Variants in PCLO observed in about 807,000 individuals in gnomAD.
PCLO encodes the protein piccolo presynaptic cytomatrix protein.
A neutral mutation model predicts 427.5 loss-of-function variants in PCLO; 82 were observed. The observed-to-expected ratio is 0.19, with a 90% CI of 0.16 to 0.23. PCLO has a LOEUF of 0.23. Ranked by LOEUF, PCLO falls within the 10% of genes least tolerant of loss-of-function variation. The pLI, the probability that PCLO is intolerant of heterozygous loss-of-function variation, is 1.00. For missense variants in PCLO, 6,239 were observed against 6,115.9 expected, an observed-to-expected ratio of 1.02 and a Z score of -0.67; for synonymous variants, 2,357 against 2,155.4, an observed-to-expected ratio of 1.09 and a Z score of -2.59.
At chr7:82,942,289 T>G (rs1795104307) in intron 6 of PCLO, among the ~76,000 whole-genome samples, 1 of 152,222 alleles carries the variant, frequency 6.6e-6, no homozygotes, top group Admixed American at 6.5e-5. Context: ...CAATGCTCTA[T>G]TAAGTCAGAC....
chr7:83,146,314 C>A (rs1231149509), intron 2 of PCLO, among the ~76,000 whole-genome samples: 2 of 152,124 alleles, frequency 1.3e-5, no homozygotes, highest in African/African-American at 4.8e-5. Flanking sequence ...TTGTTTGACA[C>A]CTTACTGATG....
chr7:82,993,248 G>C (rs1364038619), intron 3 of PCLO, among the ~76,000 whole-genome samples: 2 of 151,726 alleles, frequency 1.3e-5, no homozygotes, highest in Non-Finnish European at 2.9e-5. Flanking sequence ...TTTATATAGA[G>C]ATATAATAAA....
At chr7:83,157,969 T>C (rs960836677) in intron 1 of PCLO, among the ~76,000 whole-genome samples, 2 of 152,052 alleles carry the variant, frequency 1.3e-5, no homozygotes, top group Non-Finnish European at 2.9e-5. Flanking sequence ...GAATTAACTT[T>C]TTCCAAATTT....
rs796686018 is a variant in PCLO, at chr7:83,059,379, TAAAA to T, written c.3300+74867_3300+74870del. Reference sequence around the variant, plus strand: ...TAAAATATATATATATATATATATATAAAAATGAAAAATAAGGTGAGATCAACTA... The same window carrying T: ...TAAAATATATATATATATATATATATATGAAAAATAAGGTGAGATCAACTA... On this transcript the variant is annotated intron_variant, in intron 3 of 24. Coordinates refer to ENST00000333891, the MANE Select transcript of PCLO (RefSeq NM_033026.6). 1.6e-4 allele frequency among the ~76,000 whole-genome samples: 20 copies of T among 125,126 alleles called. 1 individual carries two copies. The highest frequency in any genetic ancestry group is 6.5e-4 in the African/African-American group (18 of 27,842). 82.1% of individuals were successfully genotyped at this position (125,126 alleles called of 152,430 possible).
chr7:82,841,610 A>C, intron 13 of PCLO, 101 bp from the exon 14 acceptor site: 1 of 725,784 alleles, frequency 1.4e-6, no homozygotes, highest in Non-Finnish European at 2.4e-6. Context: ...GGTCAGAGCA[A>C]CTGCTTGGAA....
chr7:83,144,314 A>G (rs1409319771), intron 2 of PCLO, among the ~76,000 whole-genome samples: 1 of 152,074 alleles, frequency 6.6e-6, no homozygotes, highest in Non-Finnish European at 1.5e-5. Context: ...CCAGCTACTC[A>G]GGAGGCTGAG....
chr7:83,067,133 T>C (rs1459558075), intron 3 of PCLO, among the ~76,000 whole-genome samples: 1 of 152,208 alleles, frequency 6.6e-6, no homozygotes, highest in Admixed American at 6.5e-5. Flanking sequence ...CCCCAAGATA[T>C]CTCATTATGT....
At chr7:82,982,374 G>A (rs1675700051) in intron 3 of PCLO, among the ~76,000 whole-genome samples, 1 of 152,072 alleles carries the variant, frequency 6.6e-6, no homozygotes, top group African/African-American at 2.4e-5. Context: ...GATCCACGAA[G>A]AATCAGTGTT....
At chr7:83,119,467 G>A (rs1397904675) in intron 3 of PCLO, among the ~76,000 whole-genome samples, 1 of 151,938 alleles carries the variant, frequency 6.6e-6, no homozygotes, top group African/African-American at 2.4e-5. Context: ...TGTGCTTGGG[G>A]TGATCTCTAG....
chr7:83,026,411 TA>T (rs931230996), intron 3 of PCLO, among the ~76,000 whole-genome samples: 11 of 152,142 alleles, frequency 7.2e-5, no homozygotes, highest in African/African-American at 2.2e-4. Flanking sequence ...CTAACTATCC[TA>T]AATATATATG....
chr7:83,081,357 G>A (rs1202472027), intron 3 of PCLO, among the ~76,000 whole-genome samples: 15 of 151,894 alleles, frequency 9.9e-5, no homozygotes, highest in African/African-American at 1.4e-4. Flanking sequence ...ATTTAACAAT[G>A]TAAAGATGAA....
chr7:82,963,801 C>A (rs1795705789), intron 4 of PCLO, among the ~76,000 whole-genome samples: 1 of 151,960 alleles, frequency 6.6e-6, no homozygotes, highest in East Asian at 1.9e-4. Flanking sequence ...ATTCTCTATT[C>A]TTTGTGAATG....
In PCLO at chr7:83,134,244, A is replaced by ATAT; in HGVS notation, c.3300+5_3300+6insATA. On this transcript the variant is annotated splice_donor_region_variant and intron_variant, in intron 3 of 24. Coordinates refer to ENST00000333891, the MANE Select transcript of PCLO (RefSeq NM_033026.6). ...ATATATATATATATATATATATATA[A>ATAT]CTTACCTCAGTCAAATGTGGTGTAG... The ATAT allele has an allele frequency of 5.5e-6, 4 of 731,056 alleles. No homozygotes were observed. The highest frequency in any genetic ancestry group is 2.0e-6 in the Non-Finnish European group (1 of 500,818). The allele number at this position is 731,056 out of a possible 1,614,324, so 45.3% of individuals were successfully genotyped here.
chr7:83,084,471 T>G (rs1790180464), intron 3 of PCLO, among the ~76,000 whole-genome samples: 1 of 152,116 alleles, frequency 6.6e-6, no homozygotes, highest in Non-Finnish European at 1.5e-5. Flanking sequence ...CATGTCTCAT[T>G]CTGCCTATAT....
chr7:82,949,402 C>T lies in PCLO; in HGVS notation c.11112+74G>A, dbSNP rs917396151. Reference sequence around the variant, plus strand: ...GTTTCTAAGGTACCAGGAGCCTGATCGCCTCCTAAAAGTCTGAAAACACAT... The same window carrying T: ...GTTTCTAAGGTACCAGGAGCCTGATTGCCTCCTAAAAGTCTGAAAACACAT... On this transcript the variant is annotated intron_variant, in intron 6 of 24. Transcript: ENST00000333891. 1.1e-5 allele frequency: 12 copies of T among 1,112,420 alleles called. 1 individual carries two copies. The Admixed American group carries it at 2.5e-4, about 23-fold the overall frequency. The allele number at this position is 1,112,420 out of a possible 1,614,324, so 68.9% of individuals were successfully genotyped here.
At chr7:82,893,566 G>C (rs920615596) in intron 9 of PCLO, among the ~76,000 whole-genome samples, 12 of 151,272 alleles carry the variant, frequency 7.9e-5, no homozygotes, top group Non-Finnish European at 1.6e-4. Context: ...AAAACTTAAA[G>C]TATAATAAAT....
chr7:83,093,490 A>ATTTTTTTTTTTTTT (rs1339244676), intron 3 of PCLO, among the ~76,000 whole-genome samples: 2 of 66,004 alleles, frequency 3.0e-5, no homozygotes, highest in Non-Finnish European at 5.4e-5. Flanking sequence ...ATATATATAT[A>ATTTTTTTTTTTTTT]TATTTTTTTT....
rs190619989 is a variant in PCLO, at chr7:82,854,737, C to T, written c.13655-7490G>A. Among the ~76,000 whole-genome samples the T allele has an allele frequency of 1.4e-3, 211 of 152,120 alleles. 3 individuals are homozygous for T. The highest frequency in any genetic ancestry group is 0.012 in the Admixed American group (176 of 15,266). On this transcript the variant is annotated intron_variant, in intron 10 of 24. Transcript: ENST00000333891. ...ATACAGCATGGATATCTTTTTAAAT[C>T]GCTCAGAGTTAGAGAAGGTAAATTC...
intron 3 of PCLO, among the ~76,000 whole-genome samples, chr7:82,984,477 A>G (rs1373690834): frequency 6.7e-6 from 1 of 149,518 alleles, no homozygotes; most frequent in Non-Finnish European, 1.5e-5. Flanking sequence ...TCATTTTAAA[A>G]GGGGGAAAAA....
Sources: gnomAD v4.1 joint callset for allele counts (sites outside exome capture counted in the v4.1 genomes callset) on GRCh38, gnomAD v4.1.1 for gene constraint, MANE v1.5 for transcripts, NCBI Gene and HGNC (gene_info 2026-07-23, HGNC 2026-07-21) for gene names.